The following ATXN1 variants were observed in gnomAD, a reference collection of about 807,000 sequenced individuals.
ATXN1 encodes ataxin 1.
Under a neutral mutation model 56.4 loss-of-function variants are expected in ATXN1, and 8 were observed. The observed-to-expected ratio is 0.14, with a 90% CI of 0.08 to 0.26. The LOEUF is 0.26. Ranked by LOEUF, ATXN1 falls within the 10% of genes least tolerant of loss-of-function variation. The pLI, the probability that ATXN1 is intolerant of heterozygous loss-of-function variation, is 1.00. For synonymous variants in ATXN1, 514 were observed against 494.6 expected, an observed-to-expected ratio of 1.04 and a Z score of -0.52; for missense variants, 987 against 1,106.5, an observed-to-expected ratio of 0.89 and a Z score of 1.53.
intron 3 of ATXN1, among the ~76,000 whole-genome samples, chr6:16,620,210 C>T (rs1581300963): frequency 6.6e-6 from 1 of 151,726 alleles, no homozygotes; most frequent in Non-Finnish European, 1.5e-5. Context: ...GCTGTAAACA[C>T]AAAATGTTAA....
chr6:16,730,279 T>C (rs1310301754), intron 2 of ATXN1, among the ~76,000 whole-genome samples: 3 of 151,964 alleles, frequency 2.0e-5, no homozygotes, highest in Admixed American at 6.6e-5. Flanking sequence ...TGAGGCTCCG[T>C]CCCAAAATAA....
At chr6:16,716,085 C>T (rs1047160094) in intron 2 of ATXN1, among the ~76,000 whole-genome samples, 1 of 152,162 alleles carries the variant, frequency 6.6e-6, no homozygotes, top group Non-Finnish European at 1.5e-5. Context: ...ACGCATCCTT[C>T]GTCCATATGA....
At chr6:16,642,112 G>C (rs1346395777) in intron 3 of ATXN1, among the ~76,000 whole-genome samples, 1 of 152,198 alleles carries the variant, frequency 6.6e-6, no homozygotes, top group Non-Finnish European at 1.5e-5. Context: ...TCATGGCCGG[G>C]CACAGTGGCT....
chr6:16,494,044 C>T (rs2113666070), intron 5 of ATXN1, among the ~76,000 whole-genome samples: 1 of 152,226 alleles, frequency 6.6e-6, no homozygotes. Flanking sequence ...GCTTAAGTGG[C>T]AGGCAAACTG....
intron 6 of ATXN1, among the ~76,000 whole-genome samples, chr6:16,448,049 C>A (rs1759669754): frequency 6.6e-6 from 1 of 152,162 alleles, no homozygotes; most frequent in Admixed American, 6.5e-5. Context: ...TCCACTCAAA[C>A]CTTTCAATGC....
intron 6 of ATXN1, among the ~76,000 whole-genome samples, chr6:16,346,889 C>CGCGG (rs1761409639): frequency 6.6e-6 from 1 of 152,202 alleles, no homozygotes; most frequent in Admixed American, 6.5e-5. Flanking sequence ...GAAGGAGAGG[C>CGCGG]GTGGGTGGGA....
chr6:16,434,919 C>T (rs1759356894), intron 6 of ATXN1, among the ~76,000 whole-genome samples: 1 of 152,116 alleles, frequency 6.6e-6, no homozygotes, highest in South Asian at 2.1e-4. Flanking sequence ...GTAAAAACTC[C>T]AGAGAAGCTG....
At chr6:16,518,095 G>A (rs1169969634) in intron 5 of ATXN1, among the ~76,000 whole-genome samples, 2 of 145,830 alleles carry the variant, frequency 1.4e-5, no homozygotes, top group Admixed American at 1.4e-4. Flanking sequence ...ACCAGCAGTC[G>A]GATGCAGAAG....
At chr6:16,643,638 A>AG (rs1025652862) in intron 3 of ATXN1, among the ~76,000 whole-genome samples, 28 of 151,578 alleles carry the variant, frequency 1.8e-4, no homozygotes, top group Non-Finnish European at 1.5e-4. Context: ...AAAAAAAAAA[A>AG]AAAAAAAAAA....
intron 2 of ATXN1, among the ~76,000 whole-genome samples, chr6:16,676,011 A>G (rs1372678301): frequency 6.6e-6 from 1 of 152,180 alleles, no homozygotes; most frequent in Non-Finnish European, 1.5e-5. Context: ...AATATAGAAA[A>G]ATGCTGCATT....
At chr6:16,491,090 ATT>A (rs35884389) in intron 5 of ATXN1, among the ~76,000 whole-genome samples, 5 of 78,310 alleles carry the variant, frequency 6.4e-5, no homozygotes, top group Non-Finnish European at 1.1e-4. Context: ...GGATCCCTGG[ATT>A]TTTTTTTTTT....
rs375326916 is a variant in ATXN1, at chr6:16,529,516, C to T, written c.-360-6828G>A. Among the ~76,000 whole-genome samples the T allele has an allele frequency of 4.3e-4, 66 of 152,266 alleles. 2 individuals are homozygous for T. In the South Asian group the frequency reaches 5.6e-3, roughly 13 times the overall value. On this transcript the variant is annotated intron_variant, in intron 4 of 7. Coordinates refer to ENST00000436367, the MANE Select transcript of ATXN1 (RefSeq NM_001128164.2). ...ATCAAAGTGTGGCAGATTGAACACC[C>T]GCTCATCTGACCTAAGCGCAATGTT...
chr6:16,512,073 A>T (rs1027786818), intron 5 of ATXN1, among the ~76,000 whole-genome samples: 3 of 152,238 alleles, frequency 2.0e-5, no homozygotes, highest in African/African-American at 7.2e-5. Flanking sequence ...TGAGGCAGCC[A>T]GGTGTTAGTT....
At chr6:16,441,461 T>C (rs1369529845) in intron 6 of ATXN1, among the ~76,000 whole-genome samples, 1 of 151,894 alleles carries the variant, frequency 6.6e-6, no homozygotes, top group African/African-American at 2.4e-5. Flanking sequence ...CAAAATAGGA[T>C]TGTGGTCAAA....
intron 2 of ATXN1, among the ~76,000 whole-genome samples, chr6:16,695,297 G>C (rs1281998117): frequency 6.6e-6 from 1 of 152,176 alleles, no homozygotes; most frequent in African/African-American, 2.4e-5. Context: ...TGAGAAACAA[G>C]GCGTAATTTA....
intron 6 of ATXN1, among the ~76,000 whole-genome samples, chr6:16,367,741 G>A (rs1561869382): frequency 1.4e-5 from 2 of 138,078 alleles, no homozygotes; most frequent in South Asian, 2.1e-4. Context: ...AAGAAGGTAT[G>A]CCTAGCCTTG....
intron 2 of ATXN1, among the ~76,000 whole-genome samples, chr6:16,682,741 G>A (rs1758840113): frequency 6.6e-6 from 1 of 152,146 alleles, no homozygotes; most frequent in African/African-American, 2.4e-5. Context: ...CAAGAAATAA[G>A]GGACCATGAG....
intron 2 of ATXN1, among the ~76,000 whole-genome samples, chr6:16,709,230 G>A (rs960682537): frequency 1.3e-5 from 2 of 151,916 alleles, no homozygotes; most frequent in Non-Finnish European, 2.9e-5. Flanking sequence ...AATGGAAAAG[G>A]GGATATCACT....
chr6:16,755,751 A>G (rs1164899798), intron 1 of ATXN1, among the ~76,000 whole-genome samples: 1 of 152,052 alleles, frequency 6.6e-6, no homozygotes, highest in Non-Finnish European at 1.5e-5. Flanking sequence ...TCTTAGCCCA[A>G]ATCAAAACAT....
Sources: allele counts gnomAD v4.1 joint callset (sites outside exome capture counted in the v4.1 genomes callset), GRCh38; gene constraint gnomAD v4.1.1; transcripts MANE v1.5; gene names NCBI Gene and HGNC (gene_info 2026-07-23, HGNC 2026-07-21).